The following SLC11A2 variants were observed in gnomAD, a reference collection of about 807,000 sequenced individuals.
SLC11A2 encodes the protein solute carrier family 11 member 2.
SLC11A2 carries 38 observed loss-of-function variants against 68.0 expected under a neutral mutation model. That is an observed-to-expected ratio of 0.56 (90% CI 0.43 to 0.73). The LOEUF is 0.73. SLC11A2 is among the 30% of genes least tolerant of loss of function. The pLI is 0.00. For synonymous variants in SLC11A2, 242 were observed against 250.6 expected (o/e 0.97, Z 0.32); for missense variants, 517 against 690.5 (o/e 0.75, Z 2.82).
chr12:50,999,475 C>T, intron 6 of SLC11A2, 60 bp from the exon 7 acceptor site: 1 of 1,337,874 alleles, frequency 7.5e-7, no homozygotes, highest in Non-Finnish European at 1.1e-6. Flanking sequence ...CATTGAAAAA[C>T]ACTCTCTTCC....
At chr12:51,019,727 A>T (rs1168920076) in intron 1 of SLC11A2, among the ~76,000 whole-genome samples, 3 of 144,060 alleles carry the variant, frequency 2.1e-5, no homozygotes, top group African/African-American at 7.9e-5. Context: ...AGCTCACTGT[A>T]GCTTCAACCT....
intron 5 of SLC11A2, among the ~76,000 whole-genome samples, chr12:51,000,867 T>C (rs962238587): frequency 9.2e-5 from 14 of 151,892 alleles, no homozygotes; most frequent in African/African-American, 3.1e-4. Context: ...AAAACAAACA[T>C]GAAAAGGTTG....
chr12:50,992,280 G>A lies in SLC11A2; in HGVS notation c.1257C>T (p.Ala419=), dbSNP rs1362283166. 6.2e-7 allele frequency: 1 copy of A among 1,613,922 alleles called. No individual in the cohort carries two copies. Among genetic ancestry groups the A allele is most frequent in the Admixed American group, 1.7e-5 (1 of 60,000 alleles). ...FARVVLTRSI[A]IIPTLLVAVF... is the part of the protein sequence containing the mutation. ...CAGCAACAAGCAGAGTGGGGATGAT[G>A]GCAATAGAGCGAGTCAGAACCACTC... The change falls in exon 13 of 16, where the codon GCC becomes GCT. Residue 419 remains alanine, a synonymous_variant. Coordinates refer to ENST00000262052, the MANE Select transcript of SLC11A2 (RefSeq NM_000617.3).
rs537304184 is a variant in SLC11A2, at chr12:50,987,448, A to G, written c.*877T>C. The G allele has an allele frequency of 1.6e-6, 2 of 1,287,222 alleles. No individual in the cohort carries two copies. The highest frequency in any genetic ancestry group is 2.3e-5 in the Admixed American group (1 of 43,556). 79.7% of individuals were successfully genotyped at this position (1,287,222 alleles called of 1,614,324 possible). A position where few individuals can be genotyped will look rare whatever the true frequency, so the allele number is the denominator to read the frequency against. On this transcript the variant is annotated 3_prime_UTR_variant, in exon 16 of 16. Coordinates refer to ENST00000262052, the MANE Select transcript of SLC11A2 (RefSeq NM_000617.3). The stretch of plus-strand genomic sequence containing the variant: ...TTAAAGTCTTTTCTCCCCACCCTCA[A>G]CATTTCACGAGAACATCAGTTCATA...
At chr12:50,961,806 G>A in the SLC11A2 span, among the ~76,000 whole-genome samples, 1 of 152,168 alleles carries the variant, frequency 6.6e-6, no homozygotes, top group African/African-American at 2.4e-5. Flanking sequence ...GAGTCATCCT[G>A]CGTAGGATGG....
At chr12:50,988,919 T>C (rs1434533957) in intron 15 of SLC11A2, among the ~76,000 whole-genome samples, 2 of 151,992 alleles carry the variant, frequency 1.3e-5, no homozygotes, top group African/African-American at 4.8e-5. Context: ...TTGCTATATT[T>C]CTCAAGCTGG....
chr12:51,006,873 GACCACAGGTGTGC>G (rs1269209191), intron 3 of SLC11A2, among the ~76,000 whole-genome samples: 1 of 152,034 alleles, frequency 6.6e-6, no homozygotes, highest in Non-Finnish European at 1.5e-5. Flanking sequence ...AAGTAGCTGG[GACCACAGGTGTGC>G]ACCACCACAC....
rs71663850 is a variant in SLC11A2 at position 50,993,992 on chromosome 12, C to CAAAAAAA, written c.1077+545_1077+551dup. ...GGGCAACAGAGCAAGACCTTGTCTCCAAAAAAAAAAAAAAAAAAAAAAAAA... is the reference window on the plus strand; with the variant it reads ...GGGCAACAGAGCAAGACCTTGTCTCCAAAAAAAAAAAAAAAAAAAAAAAAAAAAAAAA... On this transcript the variant is annotated intron_variant, in intron 11 of 15. Coordinates refer to ENST00000262052, the MANE Select transcript of SLC11A2 (RefSeq NM_000617.3). 3.9e-4 allele frequency among the ~76,000 whole-genome samples: 19 copies of CAAAAAAA among 48,400 alleles called. 1 individual carries two copies. Among genetic ancestry groups the CAAAAAAA allele is most frequent in the African/African-American group, 1.2e-3 (16 of 13,202 alleles). 31.8% of individuals were successfully genotyped at this position (48,400 alleles called of 152,430 possible). A position where few individuals can be genotyped will look rare whatever the true frequency, so the allele number is the denominator to read the frequency against.
chr12:50,966,907 G>C, the SLC11A2 span, among the ~76,000 whole-genome samples: 2 of 152,106 alleles, frequency 1.3e-5, no homozygotes, highest in African/African-American at 4.8e-5. Context: ...TTTGAGGTCA[G>C]GAGTTCGAGA....
At chr12:50,991,074 A>G in intron 14 of SLC11A2, 126 bp from the exon 15 acceptor site, 2 of 886,836 alleles carry the variant, frequency 2.3e-6, no homozygotes, top group Non-Finnish European at 3.7e-6. Flanking sequence ...TTTGAAAAAA[A>G]ATGATTCTTC....
chr12:50,992,945 A>G lies in SLC11A2; in HGVS notation c.1078-16T>C. ...GCACAACACCCTGTGAGAGGCCAAGAGGAAGGATATGATTGTGGCAATAAT... is the reference window on the plus strand; with the variant it reads ...GCACAACACCCTGTGAGAGGCCAAGGGGAAGGATATGATTGTGGCAATAAT... On this transcript the variant is annotated splice_polypyrimidine_tract_variant and intron_variant, in intron 11 of 15. Coordinates refer to ENST00000262052, the MANE Select transcript of SLC11A2 (RefSeq NM_000617.3). The G allele has an allele frequency of 6.2e-7, 1 of 1,613,836 alleles. No individual in the cohort carries two copies. The highest frequency in any genetic ancestry group is 8.5e-7 in the Non-Finnish European group (1 of 1,179,876).
chr12:50,993,142 T>G lies in SLC11A2; in HGVS notation c.1078-213A>C, dbSNP rs536201297. 1.1e-5 allele frequency: 6 copies of G among 545,844 alleles called. No individual in the cohort carries two copies. The East Asian group carries it at 2.0e-4, about 18-fold the overall frequency. 33.8% of individuals were successfully genotyped at this position (545,844 alleles called of 1,614,324 possible). A position where few individuals can be genotyped will look rare whatever the true frequency, so the allele number is the denominator to read the frequency against. ...TTTACTGGATGCTCCTTCGTTTCTC[T>G]GCCTAGTCCTTTCTCTTCTCCAAGC... On this transcript the variant is annotated intron_variant, in intron 11 of 15. Transcript: ENST00000262052.
intron 1 of SLC11A2, among the ~76,000 whole-genome samples, chr12:51,017,648 C>G (rs1423760104): frequency 6.6e-6 from 1 of 152,176 alleles, no homozygotes; most frequent in Non-Finnish European, 1.5e-5. Flanking sequence ...ATTCACTCAG[C>G]TTCTCAACAA....
At chr12:50,958,754 C>T in the SLC11A2 span, among the ~76,000 whole-genome samples, 360 of 151,762 alleles carry the variant, frequency 2.4e-3, 1 homozygote, top group African/African-American at 8.0e-3. Context: ...CAGTGGCTTA[C>T]GCCTGTAATC....
chr12:51,013,193 T>G (rs545013144), intron 1 of SLC11A2, among the ~76,000 whole-genome samples: 2 of 152,308 alleles, frequency 1.3e-5, no homozygotes, highest in South Asian at 4.1e-4. Flanking sequence ...CAGTCCTTCC[T>G]TATGCGTCAA....
intron 3 of SLC11A2, chr12:51,005,811 A>G: frequency 6.8e-6 from 4 of 592,500 alleles, no homozygotes; most frequent in South Asian, 5.0e-5. Flanking sequence ...ACTACTTGGG[A>G]CACTGAGGAG....
intron 3 of SLC11A2, among the ~76,000 whole-genome samples, chr12:51,007,680 A>T (rs987357047): frequency 6.7e-6 from 1 of 149,766 alleles, no homozygotes; most frequent in Non-Finnish European, 1.5e-5. Flanking sequence ...TCATTCTGTT[A>T]CCCAGAGTGG....
In SLC11A2 at chr12:50,998,075, G is replaced by A. The variant is rs114168582; in HGVS notation, c.675+1099C>T. Among the ~76,000 whole-genome samples, 314 of 149,956 alleles carry A rather than the reference G, an allele frequency of 2.1e-3. 2 individuals carry two copies. The highest frequency in any genetic ancestry group is 7.3e-3 in the African/African-American group (296 of 40,760). On this transcript the variant is annotated intron_variant, in intron 8 of 15. Coordinates refer to ENST00000262052, the MANE Select transcript of SLC11A2 (RefSeq NM_000617.3). ...CACAAGGCTCAAAAATATACAACCA[G>A]GGCCAGGCACAGTGGCTCACAGCTG...
intron 1 of SLC11A2, among the ~76,000 whole-genome samples, chr12:51,021,791 C>G (rs959724037): frequency 6.6e-6 from 1 of 151,860 alleles, no homozygotes; most frequent in African/African-American, 2.4e-5. Flanking sequence ...TGTTAGGAAG[C>G]AAGAAGAGGA....
Sources: allele counts gnomAD v4.1 joint callset (sites outside exome capture counted in the v4.1 genomes callset), GRCh38; gene constraint gnomAD v4.1.1; transcripts MANE v1.5; gene names NCBI Gene and HGNC (gene_info 2026-07-23, HGNC 2026-07-21).